The following SAMD4A variants were observed in gnomAD, a reference collection of about 807,000 sequenced individuals.
SAMD4A encodes protein Smaug homolog 1.
Under a neutral mutation model 81.3 loss-of-function variants are expected in SAMD4A, and 33 were observed. The observed-to-expected ratio is 0.41, with a 90% CI of 0.31 to 0.54. SAMD4A has a LOEUF of 0.54. Ranked by LOEUF, SAMD4A falls within the 20% of genes least tolerant of loss-of-function variation. The pLI, the probability that SAMD4A is intolerant of heterozygous loss-of-function variation, is 0.37. For synonymous variants in SAMD4A, 389 were observed against 382.1 expected (o/e 1.02, Z -0.21); for missense variants, 854 against 951.1 (o/e 0.90, Z 1.34).
At chr14:54,637,922 G>A (rs1033982524) in intron 2 of SAMD4A, among the ~76,000 whole-genome samples, 1 of 152,140 alleles carries the variant, frequency 6.6e-6, no homozygotes, top group Non-Finnish European at 1.5e-5. Flanking sequence ...TAAACAACGT[G>A]TGCACAGACT....
intron 2 of SAMD4A, among the ~76,000 whole-genome samples, chr14:54,604,563 C>T (rs1415541049): frequency 2.6e-5 from 4 of 152,250 alleles, no homozygotes; most frequent in Non-Finnish European, 4.4e-5. Context: ...ATTCCTGGGA[C>T]GTCGTTGGAA....
intron 2 of SAMD4A, among the ~76,000 whole-genome samples, chr14:54,661,556 A>G (rs2035642797): frequency 6.6e-6 from 1 of 152,130 alleles, no homozygotes; most frequent in Non-Finnish European, 1.5e-5. Context: ...CAGCATTTGG[A>G]TCTGTGGTCT....
chr14:54,775,838 G>A (rs1037852068), intron 10 of SAMD4A, among the ~76,000 whole-genome samples: 1 of 151,834 alleles, frequency 6.6e-6, no homozygotes, highest in African/African-American at 2.4e-5. Flanking sequence ...AGGCAAGACG[G>A]GCAGGATTCA....
intron 11 of SAMD4A, among the ~76,000 whole-genome samples, chr14:54,782,740 G>A (rs903701942): frequency 2.0e-5 from 3 of 152,228 alleles, no homozygotes; most frequent in African/African-American, 7.2e-5. Context: ...ATCTGCCTCT[G>A]AATTAGCTGA....
At chr14:54,709,511 G>A (rs2036938007) in intron 3 of SAMD4A, among the ~76,000 whole-genome samples, 1 of 152,070 alleles carries the variant, frequency 6.6e-6, no homozygotes, top group South Asian at 2.1e-4. Context: ...TGAGATAAGG[G>A]AAGAGTGGGT....
chr14:54,652,755 C>T (rs1204208085), intron 2 of SAMD4A: 1 of 151,906 alleles, frequency 6.6e-6, no homozygotes, highest in Admixed American at 6.6e-5. Flanking sequence ...CTATATTGTT[C>T]CCTTTAAGAG....
intron 11 of SAMD4A, among the ~76,000 whole-genome samples, chr14:54,778,104 C>T (rs2038906327): frequency 6.6e-6 from 1 of 152,354 alleles, no homozygotes; most frequent in East Asian, 1.9e-4. Flanking sequence ...TGGCCTCAGT[C>T]TCACCAGCAG....
chr14:54,716,023 T>G (rs2037108985), intron 3 of SAMD4A, among the ~76,000 whole-genome samples: 1 of 152,176 alleles, frequency 6.6e-6, no homozygotes, highest in African/African-American at 2.4e-5. Flanking sequence ...TGAAAGCCAT[T>G]CTTGCTTGAT....
chr14:54,765,936 G>A (rs747641459), intron 8 of SAMD4A, among the ~76,000 whole-genome samples: 1 of 151,592 alleles, frequency 6.6e-6, no homozygotes, highest in African/African-American at 2.4e-5. Context: ...CCTCTTGGCC[G>A]TATGGATTCT....
At chr14:54,608,285 T>G (rs1297283797) in intron 2 of SAMD4A, among the ~76,000 whole-genome samples, 1 of 152,190 alleles carries the variant, frequency 6.6e-6, no homozygotes, top group Non-Finnish European at 1.5e-5. Context: ...GGAGATGGTG[T>G]ACTGGAAAGC....
chr14:54,589,727 CA>C (rs773747487), intron 2 of SAMD4A, among the ~76,000 whole-genome samples: 1 of 152,212 alleles, frequency 6.6e-6, no homozygotes, highest in Non-Finnish European at 1.5e-5. Context: ...AGTTTGAAAG[CA>C]AAGTCCATTG....
At chr14:54,747,254 T>C (rs2037991372) in intron 4 of SAMD4A, among the ~76,000 whole-genome samples, 1 of 152,262 alleles carries the variant, frequency 6.6e-6, no homozygotes, top group African/African-American at 2.4e-5. Context: ...TAAGATGCCA[T>C]TGACTGTCCA....
intron 5 of SAMD4A, among the ~76,000 whole-genome samples, chr14:54,750,649 T>C (rs1275138297): frequency 2.0e-5 from 3 of 152,176 alleles, no homozygotes; most frequent in African/African-American, 7.2e-5. Context: ...ATTCCCCATG[T>C]TTTATGACAC....
At chr14:54,610,769 A>C (rs565087365) in intron 2 of SAMD4A, among the ~76,000 whole-genome samples, 27 of 152,356 alleles carry the variant, frequency 1.8e-4, no homozygotes, top group African/African-American at 6.3e-4. Context: ...ACATTCTTAC[A>C]ATAGCTCAGC....
chr14:54,761,080 C>A (rs1465741752), intron 7 of SAMD4A, among the ~76,000 whole-genome samples: 1 of 152,238 alleles, frequency 6.6e-6, no homozygotes, highest in Non-Finnish European at 1.5e-5. Flanking sequence ...TTTATATTCT[C>A]TCTTCACGGC....
chr14:54,686,627 G>A (rs900882794), intron 2 of SAMD4A, among the ~76,000 whole-genome samples: 2 of 151,774 alleles, frequency 1.3e-5, no homozygotes, highest in African/African-American at 4.8e-5. Flanking sequence ...CTCAAAAGGA[G>A]AGTATTATGA....
chr14:54,615,330 G>A (rs1383154131), intron 2 of SAMD4A, among the ~76,000 whole-genome samples: 2 of 152,218 alleles, frequency 1.3e-5, no homozygotes, highest in African/African-American at 4.8e-5. Context: ...AGTAAGTGAT[G>A]ACACTTAATT....
At chr14:54,586,578 G>C (rs2033625695) in intron 2 of SAMD4A, among the ~76,000 whole-genome samples, 1 of 151,970 alleles carries the variant, frequency 6.6e-6, no homozygotes, top group Non-Finnish European at 1.5e-5. Context: ...ATTTGTCTTT[G>C]ATCCATCTTG....
At chr14:54,729,984 C>T (rs1320145156) in intron 3 of SAMD4A, among the ~76,000 whole-genome samples, 2 of 152,148 alleles carry the variant, frequency 1.3e-5, no homozygotes, top group Non-Finnish European at 2.9e-5. Context: ...CTGGATGACA[C>T]CCAGTTTTGC....
Sources: gnomAD v4.1 joint callset for allele counts (sites outside exome capture counted in the v4.1 genomes callset) on GRCh38, gnomAD v4.1.1 for gene constraint, MANE v1.5 for transcripts, NCBI Gene and HGNC (gene_info 2026-07-23, HGNC 2026-07-21) for gene names.